Variants in SDCCAG8 observed in about 807,000 individuals in gnomAD.
The protein encoded by SDCCAG8 is serologically defined colon cancer antigen 8.
SDCCAG8 carries 74 observed loss-of-function variants against 101.8 expected under a neutral mutation model. The observed-to-expected ratio is 0.73, with a 90% CI of 0.60 to 0.88. The LOEUF is 0.88. SDCCAG8 is among the 40% of genes least tolerant of loss of function. The probability of loss-of-function intolerance (pLI) is 0.00; values close to 1 mark genes in which losing one functional copy is unlikely to be tolerated. For synonymous variants in SDCCAG8, 281 were observed against 292.9 expected (o/e 0.96, Z 0.41); for missense variants, 787 against 822.6 (o/e 0.96, Z 0.53).
chr1:243,453,474 G>A lies in SDCCAG8; in HGVS notation c.1985+26916G>A, dbSNP rs568086540. 1.2e-4 allele frequency among the ~76,000 whole-genome samples: 18 copies of A among 152,286 alleles called. No individual in the cohort carries two copies. In the South Asian group the frequency reaches 2.7e-3, roughly 23 times the overall value. On this transcript the variant is annotated intron_variant, in intron 16 of 17. Coordinates refer to ENST00000366541, the MANE Select transcript of SDCCAG8 (RefSeq NM_006642.5). ...TTGTGCCATAGAAACCAGACAGGGT[G>A]TTGTTTAAATAGTAGGCTGATGTCT...
At chr1:243,345,396 G>A (rs572373582) in intron 12 of SDCCAG8, among the ~76,000 whole-genome samples, 18 of 152,154 alleles carry the variant, frequency 1.2e-4, no homozygotes, top group African/African-American at 3.4e-4. Context: ...TGTTGTAATG[G>A]GTTTTACATT....
rs2070522907 is a variant in SDCCAG8, at chr1:243,293,879, G to A, written c.675+660G>A. On this transcript the variant is annotated intron_variant, in intron 6 of 17. Transcript: ENST00000366541. The stretch of plus-strand genomic sequence containing the variant: ...CTCAGACTTGATCATTTTAATTGTC[G>A]TTTCTTAAAGTTCATCAATTCGTTT... Among the ~76,000 whole-genome samples the A allele has an allele frequency of 2.0e-5, 3 of 151,958 alleles. No individual in the cohort carries two copies. The South Asian group carries it at 6.2e-4, about 32-fold the overall frequency.
Position 243,458,628 on chromosome 1 carries a change from C to T in SDCCAG8, c.1986-30386C>T, listed in dbSNP as rs117025864. On this transcript the variant is annotated intron_variant, in intron 16 of 17. Transcript: ENST00000366541. The surrounding 1 kb of genome is among the most constrained non-coding windows in gnomAD (Gnocchi z 4.5). ...GTTGAGTAACAGGCTGAAGGTCACA[C>T]AGCTACTATGTGATAGATGCCAAAC... 4.6e-5 allele frequency among the ~76,000 whole-genome samples: 7 copies of T among 152,286 alleles called. No individual in the cohort carries two copies. In the East Asian group the frequency reaches 1.4e-3, roughly 29 times the overall value.
In SDCCAG8 at chr1:243,277,824, G is replaced by A. The variant is rs115744883; in HGVS notation, c.420+3168G>A. On this transcript the variant is annotated intron_variant, in intron 4 of 17. Coordinates refer to ENST00000366541, the MANE Select transcript of SDCCAG8 (RefSeq NM_006642.5). ...GAAGGATAGTTGTCCATATTTTTGG[G>A]TCTATTTCTGGGCTTTCCTGTTCCA... Among the ~76,000 whole-genome samples the A allele has an allele frequency of 2.7e-3, 414 of 152,170 alleles. 1 individual carries two copies. Among genetic ancestry groups the A allele is most frequent in the African/African-American group, 9.3e-3 (388 of 41,520 alleles).
intron 8 of SDCCAG8, among the ~76,000 whole-genome samples, chr1:243,315,883 C>A (rs1047536519): frequency 6.6e-6 from 1 of 152,178 alleles, no homozygotes; most frequent in Non-Finnish European, 1.5e-5. Context: ...GTCCAGCATA[C>A]ATTTTTTGCT....
At chr1:243,486,202 CAAAAAAAA>C (rs57724631) in intron 16 of SDCCAG8, among the ~76,000 whole-genome samples, 11 of 61,422 alleles carry the variant, frequency 1.8e-4, no homozygotes, top group Middle Eastern at 0.013. Flanking sequence ...ACTCTGCCTC[CAAAAAAAA>C]AAAAAAAAAA....
At chr1:243,318,852 C>A (rs1361282749) in intron 9 of SDCCAG8, among the ~76,000 whole-genome samples, 1 of 152,214 alleles carries the variant, frequency 6.6e-6, no homozygotes, top group East Asian at 1.9e-4. Flanking sequence ...GGCACTTACT[C>A]TCAGGTCCTA....
Position 243,360,519 on chromosome 1 carries a change from A to G in SDCCAG8, c.1473+16188A>G, listed in dbSNP as rs554465125. On this transcript the variant is annotated intron_variant, in intron 12 of 17. Coordinates refer to ENST00000366541, the MANE Select transcript of SDCCAG8 (RefSeq NM_006642.5). ...AGCCCCTTCACAGCATAAGGGCCAG[A>G]GAAAGTCTGTTAAACTTTCATCAGC... Among the ~76,000 whole-genome samples, 34 of 151,988 alleles carry G rather than the reference A, an allele frequency of 2.2e-4. No individual in the cohort carries two copies. The South Asian group carries it at 7.1e-3, about 32-fold the overall frequency.
At chr1:243,340,950 C>T (rs2075349521) in intron 10 of SDCCAG8, 89 bp from the exon 11 acceptor site, 2 of 1,339,708 alleles carry the variant, frequency 1.5e-6, no homozygotes, top group East Asian at 4.6e-5. Flanking sequence ...AGCCCAGTGA[C>T]TATGCTGAGA....
At chr1:243,306,390 C>A (rs2149317472) in intron 7 of SDCCAG8, 1 of 152,114 alleles carries the variant, frequency 6.6e-6, no homozygotes, top group South Asian at 2.1e-4. Context: ...TTGTCTCATT[C>A]AGAATCCAGA....
chr1:243,291,088 C>T (rs1474385936), intron 5 of SDCCAG8, among the ~76,000 whole-genome samples: 11 of 152,148 alleles, frequency 7.2e-5, no homozygotes, highest in Admixed American at 4.6e-4. Flanking sequence ...TAGTTTACCA[C>T]GTTCGAGCAT....
At chr1:243,451,502 C>G (rs938151239) in intron 16 of SDCCAG8, among the ~76,000 whole-genome samples, 1 of 152,158 alleles carries the variant, frequency 6.6e-6, no homozygotes, top group Non-Finnish European at 1.5e-5. Context: ...TTCTTCACCC[C>G]CTTCTATTAT....
chr1:243,394,911 T>A (rs933140858), intron 13 of SDCCAG8, among the ~76,000 whole-genome samples: 1 of 152,114 alleles, frequency 6.6e-6, no homozygotes, highest in African/African-American at 2.4e-5. Flanking sequence ...CTATCTAAAC[T>A]TTTTCCTAGT....
intron 16 of SDCCAG8, among the ~76,000 whole-genome samples, chr1:243,481,788 C>A (rs1008141718): frequency 4.6e-5 from 7 of 152,170 alleles, no homozygotes; most frequent in African/African-American, 1.4e-4. Flanking sequence ...CCACCAAAAC[C>A]AAACCCAAAA....
At chr1:243,485,712 T>G (rs962980073) in intron 16 of SDCCAG8, among the ~76,000 whole-genome samples, 2 of 150,732 alleles carry the variant, frequency 1.3e-5, no homozygotes, top group African/African-American at 4.9e-5. Context: ...AAGACAAGCC[T>G]GGCCAAGATG....
At chr1:243,496,888 G>A (rs1192268532) in intron 17 of SDCCAG8, among the ~76,000 whole-genome samples, 1 of 152,262 alleles carries the variant, frequency 6.6e-6, no homozygotes, top group East Asian at 1.9e-4. Flanking sequence ...CTGTGTGCCT[G>A]CAGATGGGGG....
intron 15 of SDCCAG8, among the ~76,000 whole-genome samples, chr1:243,425,047 G>A (rs1158130011): frequency 1.3e-5 from 2 of 152,028 alleles, no homozygotes; most frequent in Non-Finnish European, 2.9e-5. Context: ...ATTCTGAAAG[G>A]AGAAACGTAA....
chr1:243,393,670 A>G (rs2078861482), intron 13 of SDCCAG8, among the ~76,000 whole-genome samples: 1 of 152,142 alleles, frequency 6.6e-6, no homozygotes, highest in Non-Finnish European at 1.5e-5. Context: ...CTGGCAATCT[A>G]ATGTATACAG....
At chr1:243,415,245 C>T (rs769623266) in intron 13 of SDCCAG8, among the ~76,000 whole-genome samples, 1 of 151,970 alleles carries the variant, frequency 6.6e-6, no homozygotes, top group Non-Finnish European at 1.5e-5. Context: ...GATAGAGGCT[C>T]CTGCATTATA....
Sources: allele counts gnomAD v4.1 joint callset (sites outside exome capture counted in the v4.1 genomes callset), GRCh38; gene constraint gnomAD v4.1.1; non-coding constraint Gnocchi (gnomAD v3.1); transcripts MANE v1.5; gene names NCBI Gene and HGNC (gene_info 2026-07-23, HGNC 2026-07-21).